Variants in CBFA2T2 observed in about 807,000 individuals in gnomAD.
The protein encoded by CBFA2T2 is CBFA2/RUNX1 partner transcriptional co-repressor 2, also known as protein CBFA2T2.
Under a neutral mutation model 62.2 loss-of-function variants are expected in CBFA2T2, and 11 were observed. The observed-to-expected ratio is 0.18, with a 90% CI of 0.11 to 0.29. CBFA2T2 has a LOEUF of 0.29. CBFA2T2 is among the 10% of genes least tolerant of loss of function. The probability of loss-of-function intolerance (pLI) is 1.00; values close to 1 mark genes in which losing one functional copy is unlikely to be tolerated. For missense variants in CBFA2T2, 592 were observed against 774.1 expected, an observed-to-expected ratio of 0.76 and a Z score of 2.79; for synonymous variants, 295 against 287.5, an observed-to-expected ratio of 1.03 and a Z score of -0.27.
intron 1 of CBFA2T2, among the ~76,000 whole-genome samples, chr20:33,509,485 C>T (rs951762802): frequency 3.9e-5 from 6 of 151,984 alleles, no homozygotes; most frequent in Non-Finnish European, 8.8e-5. Flanking sequence ...AAAAGGAAAC[C>T]TTTGGGGAAA....
intron 1 of CBFA2T2, among the ~76,000 whole-genome samples, chr20:33,538,852 T>G (rs544174209): frequency 3.0e-4 from 46 of 152,280 alleles, no homozygotes; most frequent in Admixed American, 7.2e-4. Flanking sequence ...TTGTTTGTTT[T>G]TTTTTTTTAA....
intron 1 of CBFA2T2, among the ~76,000 whole-genome samples, 167 bp from the exon 2 acceptor site, chr20:33,606,789 A>G (rs1010048729): frequency 4.6e-5 from 7 of 152,182 alleles, no homozygotes; most frequent in African/African-American, 1.4e-4. Flanking sequence ...AAATCAGGTA[A>G]CATTCACAGT....
chr20:33,544,457 T>C (rs1164736435), intron 1 of CBFA2T2, among the ~76,000 whole-genome samples: 4 of 152,198 alleles, frequency 2.6e-5, no homozygotes, highest in Admixed American at 2.0e-4. Context: ...GTATATAGTA[T>C]TTATTAATTT....
At chr20:33,517,018 C>G (rs1226292246) in intron 1 of CBFA2T2, among the ~76,000 whole-genome samples, 4 of 152,220 alleles carry the variant, frequency 2.6e-5, no homozygotes, top group African/African-American at 9.6e-5. Flanking sequence ...AGAGAACTTT[C>G]TAAATGCTCT....
rs1425750359 is a variant in CBFA2T2, at chr20:33,606,901, CT to C, written c.35-54del. 8.3e-6 allele frequency: 13 copies of C among 1,573,700 alleles called. No individual in the cohort carries two copies. The African/African-American group carries it at 1.4e-4, about 16-fold the overall frequency. On this transcript the variant is annotated intron_variant, in intron 1 of 10. Transcript: ENST00000342704. ...GTATGTTGGTATTTCAAATTGTTGT[CT>C]GTTTTTGCAAACTTTTAGAAAACCC...
intron 1 of CBFA2T2, among the ~76,000 whole-genome samples, chr20:33,579,356 C>G (rs1306122206): frequency 1.3e-5 from 2 of 152,038 alleles, no homozygotes; most frequent in East Asian, 3.9e-4. Context: ...ACGTAAGCCA[C>G]TGCACCCAGC....
Position 33,577,269 on chromosome 20 carries a change from A to G in CBFA2T2, c.35-29687A>G, listed in dbSNP as rs76036987. Among the ~76,000 whole-genome samples, 901 of 152,282 alleles carry G rather than the reference A, an allele frequency of 5.9e-3. 8 individuals carry two copies. Among genetic ancestry groups the G allele is most frequent in the African/African-American group, 0.021 (865 of 41,528 alleles). ...CCTGGATTTTTAAAAATATTGATGG[A>G]TAAAAACTTTCTGGATTGTTGATTT... On this transcript the variant is annotated intron_variant, in intron 1 of 10. Transcript: ENST00000342704.
intron 1 of CBFA2T2, among the ~76,000 whole-genome samples, chr20:33,507,866 G>A (rs1179484110): frequency 1.3e-5 from 2 of 152,120 alleles, no homozygotes; most frequent in African/African-American, 4.8e-5. Flanking sequence ...GTGTAATTTT[G>A]ATAGATGTTG....
At chr20:33,575,620 T>C (rs969875094) in intron 1 of CBFA2T2, among the ~76,000 whole-genome samples, 13 of 152,010 alleles carry the variant, frequency 8.6e-5, no homozygotes, top group African/African-American at 2.4e-4. Context: ...GTTTTTTTTT[T>C]CCTTTTTCGC....
At chr20:33,575,013 GA>G (rs2013756404) in intron 1 of CBFA2T2, among the ~76,000 whole-genome samples, 1 of 152,192 alleles carries the variant, frequency 6.6e-6, no homozygotes, top group Admixed American at 6.5e-5. Flanking sequence ...TAAACATTTG[GA>G]GTGGCAAAAT....
intron 1 of CBFA2T2, among the ~76,000 whole-genome samples, chr20:33,588,196 TTTA>T (rs1330064911): frequency 6.6e-6 from 1 of 152,148 alleles, no homozygotes; most frequent in Non-Finnish European, 1.5e-5. Flanking sequence ...TCTTGACCCC[TTTA>T]TTATTATTTT....
intron 1 of CBFA2T2, among the ~76,000 whole-genome samples, chr20:33,525,776 C>G (rs2011870474): frequency 1.3e-5 from 2 of 152,114 alleles, no homozygotes; most frequent in African/African-American, 4.8e-5. Context: ...TACAGCCTCC[C>G]AAGTAGCTGG....
At chr20:33,607,945 C>T (rs6141987) in intron 2 of CBFA2T2, among the ~76,000 whole-genome samples, 6,245 of 152,192 alleles carry the variant, frequency 0.041, 184 homozygotes, top group Middle Eastern at 0.088. Context: ...AACTAACACC[C>T]AATACAGTAC....
At chr20:33,558,433 C>CTTATT (rs1285822654) in intron 1 of CBFA2T2, among the ~76,000 whole-genome samples, 1 of 152,114 alleles carries the variant, frequency 6.6e-6, no homozygotes, top group African/African-American at 2.4e-5. Context: ...GTGCCAGGCC[C>CTTATT]TTATTTCTCT....
intron 8 of CBFA2T2, among the ~76,000 whole-genome samples, chr20:33,635,919 C>T (rs1275982457): frequency 6.6e-6 from 1 of 151,884 alleles, no homozygotes; most frequent in African/African-American, 2.4e-5. Flanking sequence ...TGCCTTTCCT[C>T]CCCCTACATT....
In CBFA2T2 at chr20:33,490,275, G is replaced by A; in HGVS notation, c.8G>A (p.Gly3Asp). 1 of 1,258,384 alleles carries A rather than the reference G, an allele frequency of 7.9e-7. No homozygotes were observed. Among genetic ancestry groups the A allele is most frequent in the Non-Finnish European group, 1.0e-6 (1 of 1,003,286 alleles). 78.0% of individuals were successfully genotyped at this position (1,258,384 alleles called of 1,614,324 possible). Reference protein sequence around the residue: MVGVPGAAAFQLG... With the variant: MVDVPGAAAFQLG... ...CGGCGGCGGCGCTCGGCGATGGTAG[G>A]CGTCCCTGGAGCGGCCGCCTTCCAG... The change falls in exon 1 of 11, where the codon GGC becomes GAC. Residue 3 changes from glycine (G) to aspartate (D), a missense_variant. Gly to Asp is a moderately conservative substitution (Grantham distance 94, BLOSUM62 -1). Transcript: ENST00000342704.
chr20:33,527,447 A>C (rs928385202), intron 1 of CBFA2T2, among the ~76,000 whole-genome samples: 10 of 138,502 alleles, frequency 7.2e-5, no homozygotes, highest in Non-Finnish European at 1.1e-4. Flanking sequence ...ATCTTGGCCC[A>C]CTGCAACCAC....
intron 1 of CBFA2T2, among the ~76,000 whole-genome samples, chr20:33,605,224 C>T (rs928061292): frequency 7.2e-5 from 11 of 152,326 alleles, no homozygotes; most frequent in Non-Finnish European, 1.3e-4. Context: ...TTGCCAGGAT[C>T]GTGAACACTC....
At chr20:33,550,768 C>G (rs572891985) in intron 1 of CBFA2T2, among the ~76,000 whole-genome samples, 1 of 152,114 alleles carries the variant, frequency 6.6e-6, no homozygotes, top group Admixed American at 6.5e-5. Flanking sequence ...ATTACAGGTT[C>G]GTACCACCAC....
Sources: allele counts gnomAD v4.1 joint callset (sites outside exome capture counted in the v4.1 genomes callset), GRCh38; gene constraint gnomAD v4.1.1; transcripts MANE v1.5; gene names NCBI Gene and HGNC (gene_info 2026-07-23, HGNC 2026-07-21).